The following LGR4 variants were observed in gnomAD, a reference collection of about 807,000 sequenced individuals.
The protein encoded by LGR4 is leucine rich repeat containing G protein-coupled receptor 4.
LGR4 carries 44 observed loss-of-function variants against 84.8 expected under a neutral mutation model. That is an observed-to-expected ratio of 0.52 (90% CI 0.41 to 0.67). The LOEUF (loss-of-function observed/expected upper bound fraction) is 0.67. Ranked by LOEUF, LGR4 falls within the 30% of genes least tolerant of loss-of-function variation. The probability of loss-of-function intolerance (pLI) is 0.00; values close to 1 mark genes in which losing one functional copy is unlikely to be tolerated. For missense variants in LGR4, 1,032 were observed against 1,131.4 expected, an observed-to-expected ratio of 0.91 and a Z score of 1.26; for synonymous variants, 429 against 434.3, an observed-to-expected ratio of 0.99 and a Z score of 0.15.
intron 6 of LGR4, 70 bp from the exon 7 acceptor site, chr11:27,382,326 C>T: frequency 9.9e-7 from 1 of 1,008,194 alleles, no homozygotes; most frequent in Admixed American, 1.8e-5. Context: ...CATTTTGTTA[C>T]AGACAAGTAT....
intron 1 of LGR4, among the ~76,000 whole-genome samples, chr11:27,423,667 T>G (rs1009483942): frequency 1.3e-5 from 2 of 152,206 alleles, no homozygotes; most frequent in African/African-American, 4.8e-5. Context: ...TCACTAATGA[T>G]TTATTCAGCA....
chr11:27,436,426 G>C (rs906946083), intron 1 of LGR4, among the ~76,000 whole-genome samples: 2 of 152,002 alleles, frequency 1.3e-5, no homozygotes, highest in Admixed American at 6.6e-5. Context: ...AGGAAGGAAA[G>C]AAACTGTCAG....
intron 2 of LGR4, among the ~76,000 whole-genome samples, chr11:27,394,020 AT>A (rs1264552843): frequency 6.6e-6 from 1 of 151,466 alleles, no homozygotes; most frequent in East Asian, 2.0e-4. Flanking sequence ...AGTATGAAGA[AT>A]TATTTCTTCA....
rs762186717 is a variant in LGR4, at chr11:27,380,302, T to C, written c.940A>G (p.Asn314Asp). ...TCCAGGTGGACAGTTCCTGTAAGAT[T>C]GGGGAACTGCTGCACCATGCTTGCA... ...RGASMVQQFP[N>D]LTGTVHLESL... Residue 314 changes from asparagine to aspartate, a missense_variant, in exon 10 of 18, where the codon AAT (asparagine) becomes GAT (aspartate). Asn to Asp is a conservative substitution (Grantham distance 23). Transcript: ENST00000379214. 1 of 1,611,454 alleles carries C rather than the reference T, an allele frequency of 6.2e-7. No individual in the cohort carries two copies. Among genetic ancestry groups the C allele is most frequent in the South Asian group, 1.1e-5 (1 of 90,668 alleles).
intron 1 of LGR4, among the ~76,000 whole-genome samples, chr11:27,451,016 G>C (rs1186167938): frequency 6.6e-6 from 1 of 151,996 alleles, no homozygotes; most frequent in Non-Finnish European, 1.5e-5. Context: ...GTTATGTAAG[G>C]ATCTATACTA....
chr11:27,377,583 T>A (rs948931989), intron 11 of LGR4, among the ~76,000 whole-genome samples: 8 of 152,054 alleles, frequency 5.3e-5, no homozygotes, highest in South Asian at 2.1e-4. Context: ...TACATTTTTT[T>A]AAATTTGTAT....
At chr11:27,369,925 A>AT (rs1316019987) in intron 17 of LGR4, among the ~76,000 whole-genome samples, 3 of 152,230 alleles carry the variant, frequency 2.0e-5, no homozygotes, top group Admixed American at 2.0e-4. Context: ...CACCTCGGTG[A>AT]TGTTAACTAT....
intron 1 of LGR4, among the ~76,000 whole-genome samples, chr11:27,468,801 G>A (rs928912663): frequency 6.6e-6 from 1 of 151,862 alleles, no homozygotes; most frequent in African/African-American, 2.4e-5. Context: ...CTTTCTTCAC[G>A]AAGTCACAGA....
At chr11:27,434,348 G>T (rs1864170137) in intron 1 of LGR4, among the ~76,000 whole-genome samples, 1 of 152,214 alleles carries the variant, frequency 6.6e-6, no homozygotes, top group African/African-American at 2.4e-5. Flanking sequence ...ATCAATAGAT[G>T]CTTTCAATGG....
chr11:27,367,905 C>G lies in LGR4; in HGVS notation c.2818G>C (p.Val940Leu), dbSNP rs751364743. 4.4e-6 allele frequency: 7 copies of G among 1,605,490 alleles called. No homozygotes were observed. Among genetic ancestry groups the G allele is most frequent in the South Asian group, 1.1e-5 (1 of 89,298 alleles). Residue 940 changes from valine to leucine, a missense_variant, in exon 18 of 18, where the codon GTG becomes CTG. Physicochemically the swap from Val to Leu is conservative, Grantham distance 32. Coordinates refer to ENST00000379214, the MANE Select transcript of LGR4 (RefSeq NM_018490.5). ...CFYQSRGFPL[V>L]RYAYNLPRVK... ...CTTGGTAGATTGTAAGCATAGCGCA[C>G]CAAAGGGAATCCTCTACTCTGGTAG...
intron 1 of LGR4, among the ~76,000 whole-genome samples, chr11:27,470,713 G>GAA (rs35698854): frequency 5.2e-5 from 7 of 134,210 alleles, no homozygotes; most frequent in African/African-American, 2.1e-4. Flanking sequence ...TCACTATACT[G>GAA]AAAAAAAAAA....
chr11:27,416,385 T>C (rs1333932772), intron 1 of LGR4, among the ~76,000 whole-genome samples: 1 of 152,180 alleles, frequency 6.6e-6, no homozygotes, highest in Non-Finnish European at 1.5e-5. Context: ...TAACTGAACC[T>C]TATAGATTGA....
chr11:27,371,279 A>G (rs1435282825), intron 17 of LGR4, among the ~76,000 whole-genome samples: 2 of 152,226 alleles, frequency 1.3e-5, no homozygotes, highest in Non-Finnish European at 2.9e-5. Flanking sequence ...GGCTACATTA[A>G]GCACACACAT....
intron 2 of LGR4, among the ~76,000 whole-genome samples, chr11:27,408,560 A>T (rs1863654509): frequency 6.6e-6 from 1 of 152,062 alleles, no homozygotes; most frequent in South Asian, 2.1e-4. Context: ...ACAGCTCCAA[A>T]TTTCAGCCAT....
chr11:27,373,650 G>A lies in LGR4; in HGVS notation c.1280C>T (p.Ser427Phe). The change falls in exon 15 of 18, where the codon TCC (serine) becomes TTC (phenylalanine). Residue 427 changes from serine to phenylalanine, a missense_variant. Ser to Phe is a radical substitution (Grantham distance 155). Coordinates refer to ENST00000379214, the MANE Select transcript of LGR4 (RefSeq NM_018490.5). ...CCCATTCAGGCCTTCCGTAGGAAAG[G>A]AAGTTAATTCATTGAAACTTACATC... ...NLDVSFNELT[S>F]FPTEGLNGLN... 1 of 1,585,762 alleles carries A rather than the reference G, an allele frequency of 6.3e-7. No individual in the cohort carries two copies. Among genetic ancestry groups the A allele is most frequent in the East Asian group, 2.3e-5 (1 of 44,352 alleles).
intron 1 of LGR4, among the ~76,000 whole-genome samples, chr11:27,416,103 T>C (rs1285550958): frequency 6.6e-6 from 1 of 152,158 alleles, no homozygotes; most frequent in African/African-American, 2.4e-5. Context: ...TGTACAATCT[T>C]ACCAGTGGCA....
chr11:27,396,992 C>A (rs1863403289), intron 2 of LGR4, among the ~76,000 whole-genome samples: 1 of 152,150 alleles, frequency 6.6e-6, no homozygotes, highest in Non-Finnish European at 1.5e-5. Context: ...CCTGTTATCA[C>A]CTGATTTTTT....
rs1863073163 is a variant in LGR4, at chr11:27,380,568, G to A, written c.902+72C>T. ...AAAGATTTTGTTTTCTGGAGTTCCA[G>A]TAATAAATTCTTGTTTTCCACTAAA... On this transcript the variant is annotated intron_variant, in intron 9 of 17. Coordinates refer to ENST00000379214, the MANE Select transcript of LGR4 (RefSeq NM_018490.5). The A allele has an allele frequency of 2.8e-6, 3 of 1,068,394 alleles. No homozygotes were observed. In the East Asian group the frequency reaches 7.2e-5, roughly 26 times the overall value. 66.2% of individuals were successfully genotyped at this position (1,068,394 alleles called of 1,614,324 possible).
chr11:27,423,281 T>C (rs1457111822), intron 1 of LGR4, among the ~76,000 whole-genome samples: 8 of 152,178 alleles, frequency 5.3e-5, no homozygotes, highest in Non-Finnish European at 4.4e-5. Flanking sequence ...GAATTCTAAA[T>C]GATGAGGCAA....
Sources: allele counts gnomAD v4.1 joint callset (sites outside exome capture counted in the v4.1 genomes callset), GRCh38; gene constraint gnomAD v4.1.1; transcripts MANE v1.5; gene names NCBI Gene and HGNC (gene_info 2026-07-23, HGNC 2026-07-21).